The following POLR3B variants were observed in gnomAD, a reference collection of about 807,000 sequenced individuals.
The protein encoded by POLR3B is RNA polymerase III subunit B.
A neutral mutation model predicts 147.4 loss-of-function variants in POLR3B; 96 were observed. That is an observed-to-expected ratio of 0.65 (90% CI 0.55 to 0.77). POLR3B has a LOEUF of 0.77. POLR3B is among the 30% of genes least tolerant of loss of function. The pLI, the probability that POLR3B is intolerant of heterozygous loss-of-function variation, is 0.00. For missense variants in POLR3B, 1,036 were observed against 1,413.5 expected (o/e 0.73, Z 4.28); for synonymous variants, 461 against 485.9 (o/e 0.95, Z 0.67).
chr12:106,414,692 C>A (rs1021671106), intron 12 of POLR3B, among the ~76,000 whole-genome samples: 1 of 152,154 alleles, frequency 6.6e-6, no homozygotes, highest in African/African-American at 2.4e-5. Context: ...AGTAACCAGA[C>A]TCCTCAGAGA....
At chr12:106,449,152 G>A (rs549306602) in intron 19 of POLR3B, among the ~76,000 whole-genome samples, 7 of 152,222 alleles carry the variant, frequency 4.6e-5, no homozygotes, top group South Asian at 2.1e-4. Context: ...CACGAAATCC[G>A]TTTAAGTTTC....
In POLR3B at chr12:106,394,653, A is replaced by G. The variant is rs527465823; in HGVS notation, c.846+1500A>G. On this transcript the variant is annotated intron_variant, in intron 10 of 27. Coordinates refer to ENST00000228347, the MANE Select transcript of POLR3B (RefSeq NM_018082.6). ...AAAGCTGTTTGAGCAGAGCCCAAACAGTAGGTTGGAAAATCATTCATTTAT... is the reference window on the plus strand; with the variant it reads ...AAAGCTGTTTGAGCAGAGCCCAAACGGTAGGTTGGAAAATCATTCATTTAT... Among the ~76,000 whole-genome samples the G allele has an allele frequency of 1.4e-4, 22 of 152,328 alleles. No individual in the cohort carries two copies. The South Asian group carries it at 3.5e-3, about 24-fold the overall frequency.
intron 12 of POLR3B, among the ~76,000 whole-genome samples, chr12:106,424,087 C>T (rs2037405686): frequency 6.6e-6 from 1 of 152,066 alleles, no homozygotes. Flanking sequence ...AACTCCTGAC[C>T]TCATGATCCA....
chr12:106,501,109 A>C (rs907981154), intron 25 of POLR3B, among the ~76,000 whole-genome samples: 2 of 152,144 alleles, frequency 1.3e-5, no homozygotes, highest in African/African-American at 4.8e-5. Context: ...AACCTGTTTA[A>C]ATGTCTATTT....
At chr12:106,466,459 T>G (rs146320669) in intron 23 of POLR3B, among the ~76,000 whole-genome samples, 10 of 152,336 alleles carry the variant, frequency 6.6e-5, no homozygotes, top group African/African-American at 2.4e-4. Flanking sequence ...TTAGTTTAAT[T>G]AGATCCCATT....
At chr12:106,376,616 T>C (rs2136897491) in intron 7 of POLR3B, among the ~76,000 whole-genome samples, 166 bp downstream of exon 7, 1 of 142,328 alleles carries the variant, frequency 7.0e-6, no homozygotes, top group African/African-American at 2.9e-5. Flanking sequence ...TACTAGTCTG[T>C]ATTTCTTTCT....
rs35229993 is a variant in POLR3B at position 106,359,331 on chromosome 12, A to ATTT, written c.72+1396_72+1398dup. Among the ~76,000 whole-genome samples the ATTT allele has an allele frequency of 2.7e-3, 369 of 134,898 alleles. 11 individuals are homozygous for ATTT. The highest frequency in any genetic ancestry group is 8.7e-3 in the African/African-American group (315 of 36,084). The allele number at this position is 134,898 out of a possible 152,430, so 88.5% of individuals were successfully genotyped here. ...AGGCTGCTGATCATCAGGCAAAACTATTTTTTTTTTTTTTTTTTGAGACGG... is the reference window on the plus strand; with the variant it reads ...AGGCTGCTGATCATCAGGCAAAACTATTTTTTTTTTTTTTTTTTTTTGAGACGG... On this transcript the variant is annotated intron_variant, in intron 1 of 27. Transcript: ENST00000228347.
At chr12:106,453,881 G>A (rs2037831321) in intron 19 of POLR3B, among the ~76,000 whole-genome samples, 1 of 152,100 alleles carries the variant, frequency 6.6e-6, no homozygotes, top group Admixed American at 6.6e-5. Context: ...CTTAAGGAAG[G>A]GGCCAAGCCT....
At chr12:106,403,749 G>T (rs956781410) in intron 10 of POLR3B, among the ~76,000 whole-genome samples, 2 of 142,112 alleles carry the variant, frequency 1.4e-5, no homozygotes, top group Admixed American at 7.7e-5. Flanking sequence ...TCATAGGTGG[G>T]AATTGAACAA....
chr12:106,422,200 C>T (rs1030717030), intron 12 of POLR3B, among the ~76,000 whole-genome samples: 2 of 152,092 alleles, frequency 1.3e-5, no homozygotes, highest in Admixed American at 6.6e-5. Flanking sequence ...AATGGCTTAG[C>T]ACCATCCTCC....
chr12:106,508,549 G>A (rs1443123824), intron 27 of POLR3B, among the ~76,000 whole-genome samples: 1 of 152,210 alleles, frequency 6.6e-6, no homozygotes, highest in Non-Finnish European at 1.5e-5. Flanking sequence ...TGTAGGGTAA[G>A]GTTGTATTTT....
At chr12:106,421,246 C>T (rs2037370060) in intron 12 of POLR3B, among the ~76,000 whole-genome samples, 1 of 151,462 alleles carries the variant, frequency 6.6e-6, no homozygotes, top group Non-Finnish European at 1.5e-5. Flanking sequence ...AAAAACACAA[C>T]AACACTGGCA....
chr12:106,479,376 TTC>T (rs1161046658), intron 23 of POLR3B, among the ~76,000 whole-genome samples: 43 of 151,770 alleles, frequency 2.8e-4, no homozygotes, highest in Admixed American at 2.3e-3. Flanking sequence ...TTTATATTCT[TTC>T]TCTCTCTCTT....
intron 19 of POLR3B, among the ~76,000 whole-genome samples, chr12:106,453,968 G>T (rs1358654083): frequency 3.3e-5 from 5 of 152,184 alleles, no homozygotes; most frequent in African/African-American, 1.2e-4. Context: ...TCAAATAAAT[G>T]CATAATCCAC....
chr12:106,361,664 G>A (rs540486076), intron 1 of POLR3B, among the ~76,000 whole-genome samples: 233 of 152,140 alleles, frequency 1.5e-3, no homozygotes, highest in Non-Finnish European at 2.5e-3. Context: ...GGGATGAGAT[G>A]GGGGAAGCTA....
intron 1 of POLR3B, 86 bp downstream of exon 1, chr12:106,358,037 CG>C: frequency 1.3e-6 from 2 of 1,569,584 alleles, no homozygotes; most frequent in Non-Finnish European, 1.7e-6. Flanking sequence ...GCCAAGGGGG[CG>C]GGCTGGCGGT....
At chr12:106,393,998 A>G (rs2036950160) in intron 10 of POLR3B, among the ~76,000 whole-genome samples, 1 of 152,188 alleles carries the variant, frequency 6.6e-6, no homozygotes, top group African/African-American at 2.4e-5. Context: ...ATCCACGTGT[A>G]CATTGTCTAT....
intron 23 of POLR3B, among the ~76,000 whole-genome samples, chr12:106,475,837 CT>C (rs2038160512): frequency 6.6e-6 from 1 of 150,654 alleles, no homozygotes; most frequent in East Asian, 1.9e-4. Flanking sequence ...CAGTCTGTGT[CT>C]TTTAATTGGA....
chr12:106,471,051 G>T (rs1395369800), intron 23 of POLR3B, among the ~76,000 whole-genome samples: 1 of 152,174 alleles, frequency 6.6e-6, no homozygotes, highest in Non-Finnish European at 1.5e-5. Context: ...GCCCCCAGAG[G>T]TAGAATCTAG....
Sources: gnomAD v4.1 joint callset for allele counts (sites outside exome capture counted in the v4.1 genomes callset) on GRCh38, gnomAD v4.1.1 for gene constraint, MANE v1.5 for transcripts, NCBI Gene and HGNC (gene_info 2026-07-23, HGNC 2026-07-21) for gene names.